GABPB2: variants seen among roughly 807,000 people sequenced by gnomAD.
GABPB2 encodes the protein GA binding protein transcription factor subunit beta 2, also known as GA-binding protein subunit beta-2.
GABPB2 carries 23 observed loss-of-function variants against 39.1 expected under a neutral mutation model. That is an observed-to-expected ratio of 0.59 (90% CI 0.42 to 0.83). The LOEUF (loss-of-function observed/expected upper bound fraction) is 0.83, where lower values mean the gene tolerates loss of function less well. Ranked by LOEUF, GABPB2 falls within the 40% of genes least tolerant of loss-of-function variation. GABPB2 has a pLI of 0.00. For synonymous variants in GABPB2, 184 were observed against 199.3 expected, an observed-to-expected ratio of 0.92 and a Z score of 0.65; for missense variants, 467 against 541.1, an observed-to-expected ratio of 0.86 and a Z score of 1.36.
rs945314816 is a variant in GABPB2, at chr1:151,119,806, A to C, written c.*1550A>C. The C allele has an allele frequency of 3.9e-5, 6 of 152,944 alleles. No individual in the cohort carries two copies. The highest frequency in any genetic ancestry group is 1.4e-4 in the African/African-American group (6 of 41,526). The allele number at this position is 152,944 out of a possible 1,614,324, so 9.5% of individuals were successfully genotyped here. Reference sequence around the variant, plus strand: ...CGTGGTGGCACCTGCCTGTAATCCCAGCTACTTGGGAGGCTGAGGCAGGAG... The same window carrying C: ...CGTGGTGGCACCTGCCTGTAATCCCCGCTACTTGGGAGGCTGAGGCAGGAG... On this transcript the variant is annotated 3_prime_UTR_variant, in exon 9 of 9. Transcript: ENST00000368918.
chr1:151,124,707 C>G lies in GABPB2; in HGVS notation c.*6451C>G, dbSNP rs1036046576. ...AGAATGGACTATATGTGATGACCAC[C>G]TGTATGCACTCTAGGCTCTTATCTG... On this transcript the variant is annotated 3_prime_UTR_variant, in exon 9 of 9. Transcript: ENST00000368918. The G allele has an allele frequency of 2.0e-5, 3 of 152,102 alleles. No homozygotes were observed. Among genetic ancestry groups the G allele is most frequent in the Non-Finnish European group, 1.5e-5 (1 of 68,034 alleles). The allele number at this position is 152,102 out of a possible 1,614,324, so 9.4% of individuals were successfully genotyped here.
intron 2 of GABPB2, 169 bp downstream of exon 2, chr1:151,088,466 T>C (rs1223190905): frequency 7.3e-7 from 1 of 1,371,296 alleles, no homozygotes; most frequent in African/African-American, 1.5e-5. Context: ...TCTTTTTCTT[T>C]TAGTTTTCCA....
At chr1:151,113,058 G>A (rs751300646) in intron 7 of GABPB2, among the ~76,000 whole-genome samples, 9 of 151,344 alleles carry the variant, frequency 5.9e-5, no homozygotes, top group Non-Finnish European at 1.0e-4. Flanking sequence ...TTATAAGCAT[G>A]AGCTACTGCG....
intron 7 of GABPB2, among the ~76,000 whole-genome samples, chr1:151,114,639 A>G (rs1444707890): frequency 6.6e-6 from 1 of 151,982 alleles, no homozygotes; most frequent in Non-Finnish European, 1.5e-5. Context: ...TGGAGGTTGC[A>G]GTGAGCCGAG....
intron 1 of GABPB2, among the ~76,000 whole-genome samples, chr1:151,079,227 T>C (rs767964033): frequency 2.6e-5 from 4 of 152,062 alleles, no homozygotes; most frequent in Non-Finnish European, 5.9e-5. Context: ...AGTATTGATA[T>C]GTGACAGAAA....
chr1:151,120,767 T>C lies in GABPB2; in HGVS notation c.*2511T>C, dbSNP rs1681154016. On this transcript the variant is annotated 3_prime_UTR_variant, in exon 9 of 9. Transcript: ENST00000368918. The stretch of plus-strand genomic sequence containing the variant: ...GCTCAGTCTCTCTTTTTTTTTTTTT[T>C]TTTTTTGAGACGGAGTCTTGCTCTT... The C allele has an allele frequency of 1.3e-5, 2 of 150,736 alleles. No homozygotes were observed. Among genetic ancestry groups the C allele is most frequent in the African/African-American group, 4.9e-5 (2 of 41,160 alleles). The allele number at this position is 150,736 out of a possible 1,614,324, so 9.3% of individuals were successfully genotyped here. A position where few individuals can be genotyped will look rare whatever the true frequency, so the allele number is the denominator to read the frequency against.
At chr1:151,106,995 T>G (rs753408279) in intron 6 of GABPB2, 42 bp from the exon 7 acceptor site, 8 of 1,474,290 alleles carry the variant, frequency 5.4e-6, no homozygotes, top group Admixed American at 2.1e-5. Flanking sequence ...CTCCTATGTT[T>G]TTAAAAAGCT....
At chr1:151,088,348 A>G (rs749871005) in intron 2 of GABPB2, 51 bp downstream of exon 2, 67 of 1,479,480 alleles carry the variant, frequency 4.5e-5, no homozygotes, top group Non-Finnish European at 5.9e-5. Context: ...TGCTTTTACC[A>G]ACATTTTTCT....
chr1:151,102,853 AT>A (rs1679643760), intron 5 of GABPB2, among the ~76,000 whole-genome samples: 1 of 152,132 alleles, frequency 6.6e-6, no homozygotes, highest in Non-Finnish European at 1.5e-5. Context: ...GAAGGGGACT[AT>A]TCCCTTATCA....
rs1572008209 is a variant in GABPB2, at chr1:151,122,540, C to T, written c.*4284C>T. 1 of 151,836 alleles carries T rather than the reference C, an allele frequency of 6.6e-6. No individual in the cohort carries two copies. The highest frequency in any genetic ancestry group is 2.4e-5 in the African/African-American group (1 of 41,308). The allele number at this position is 151,836 out of a possible 1,614,324, so 9.4% of individuals were successfully genotyped here. A position where few individuals can be genotyped will look rare whatever the true frequency, so the allele number is the denominator to read the frequency against. On this transcript the variant is annotated 3_prime_UTR_variant, in exon 9 of 9. Transcript: ENST00000368918. ...TCTCGGTGCATATGTTGACTTTAAT[C>T]CCTCTTCCCCCACACCTCGCCCATT...
In GABPB2 at chr1:151,122,260, CT is replaced by C. The variant is rs1430425443; in HGVS notation, c.*4006del. On this transcript the variant is annotated 3_prime_UTR_variant, in exon 9 of 9. Transcript: ENST00000368918. ...TCTCCACAGATCTGAGTACTTAACA[CT>C]TCCCAGATGATTGGAGAATATTCTG... is the stretch of plus-strand genomic sequence containing the variant. 1 of 152,228 alleles carries C rather than the reference CT, an allele frequency of 6.6e-6. No individual in the cohort carries two copies. The highest frequency in any genetic ancestry group is 1.5e-5 in the Non-Finnish European group (1 of 68,050). 9.4% of individuals were successfully genotyped at this position (152,228 alleles called of 1,614,324 possible).
In GABPB2 at chr1:151,103,641, A is replaced by G; in HGVS notation, c.702A>G (p.Ala234=). 1.9e-6 allele frequency: 3 copies of G among 1,614,104 alleles called. No individual in the cohort carries two copies. The highest frequency in any genetic ancestry group is 1.1e-5 in the South Asian group (1 of 91,078). ...VLATLAALAE[A]SVPLSNSHRA... The stretch of plus-strand genomic sequence containing the variant: ...CTACCCTTGCAGCTCTTGCTGAGGC[A>G]TCAGTCCCCCTCTCCAACTCACACA... Residue 234 remains alanine, a synonymous_variant, in exon 6 of 9, where the codon GCA becomes GCG. Transcript: ENST00000368918.
At chr1:151,102,814 A>T (rs1210663044) in intron 5 of GABPB2, among the ~76,000 whole-genome samples, 1 of 152,132 alleles carries the variant, frequency 6.6e-6, no homozygotes, top group African/African-American at 2.4e-5. Context: ...TAGCTGATGA[A>T]AAAAGGTAGT....
intron 1 of GABPB2, among the ~76,000 whole-genome samples, chr1:151,076,140 A>G (rs2102993286): frequency 6.6e-6 from 1 of 152,328 alleles, no homozygotes; most frequent in South Asian, 2.1e-4. Context: ...AAAGAGTACA[A>G]CAGCAATATA....
intron 1 of GABPB2, among the ~76,000 whole-genome samples, chr1:151,074,310 CTT>C (rs113264875): frequency 0.024 from 2,580 of 105,760 alleles, 77 homozygotes; most frequent in African/African-American, 0.083. Context: ...CATGCTTCCG[CTT>C]TTTTTTTTTT....
intron 1 of GABPB2, among the ~76,000 whole-genome samples, chr1:151,085,896 G>C (rs1283635036): frequency 6.6e-6 from 1 of 151,920 alleles, no homozygotes; most frequent in African/African-American, 2.4e-5. Context: ...GGATTCTATT[G>C]CTATGGACAG....
chr1:151,095,166 A>G (rs745762422), intron 4 of GABPB2, among the ~76,000 whole-genome samples: 10 of 152,150 alleles, frequency 6.6e-5, no homozygotes, highest in Non-Finnish European at 1.3e-4. Context: ...TGAATATTGA[A>G]GTAGGCAGAG....
At chr1:151,078,218 C>T (rs587696624) in intron 1 of GABPB2, among the ~76,000 whole-genome samples, 10 of 149,088 alleles carry the variant, frequency 6.7e-5, no homozygotes, top group African/African-American at 2.2e-4. Flanking sequence ...TGCAGTGAGC[C>T]GAGATCACAC....
At position 151,119,781 on chromosome 1, in the gene GABPB2, C is replaced by G. The variant is rs949597920; in HGVS notation, c.*1525C>G. The stretch of plus-strand genomic sequence containing the variant: ...ACAAAAATACAAAAAATTAGCCGGG[C>G]GTGGTGGCACCTGCCTGTAATCCCA... On this transcript the variant is annotated 3_prime_UTR_variant, in exon 9 of 9. Transcript: ENST00000368918. 2.6e-5 allele frequency: 4 copies of G among 152,580 alleles called. No homozygotes were observed. The highest frequency in any genetic ancestry group is 9.7e-5 in the African/African-American group (4 of 41,302). The allele number at this position is 152,580 out of a possible 1,614,324, so 9.5% of individuals were successfully genotyped here.
Sources: gnomAD v4.1 joint callset for allele counts (sites outside exome capture counted in the v4.1 genomes callset) on GRCh38, gnomAD v4.1.1 for gene constraint, MANE v1.5 for transcripts, NCBI Gene and HGNC (gene_info 2026-07-23, HGNC 2026-07-21) for gene names.